The following RBBP8 variants were observed in gnomAD, a reference collection of about 807,000 sequenced individuals.
RBBP8 encodes DNA endonuclease RBBP8.
Under a neutral mutation model 108.3 loss-of-function variants are expected in RBBP8, and 88 were observed. That is an observed-to-expected ratio of 0.81 (90% CI 0.68 to 0.97). The LOEUF (loss-of-function observed/expected upper bound fraction) is 0.97, where lower values mean the gene tolerates loss of function less well. RBBP8 is among the 50% of genes least tolerant of loss of function. RBBP8 has a pLI of 0.00. For synonymous variants in RBBP8, 332 were observed against 348.2 expected, an observed-to-expected ratio of 0.95 and a Z score of 0.52; for missense variants, 1,023 against 1,049.0, an observed-to-expected ratio of 0.98 and a Z score of 0.34.
At chr18:22,980,423 T>G (rs958668583) in intron 6 of RBBP8, among the ~76,000 whole-genome samples, 24 of 152,050 alleles carry the variant, frequency 1.6e-4, no homozygotes, top group Admixed American at 1.5e-3. Context: ...ATTAGAGAGA[T>G]AATTAGGTAT....
At chr18:22,948,018 A>G (rs1911714757) in intron 3 of RBBP8, among the ~76,000 whole-genome samples, 2 of 152,112 alleles carry the variant, frequency 1.3e-5, no homozygotes, top group Admixed American at 6.5e-5. Flanking sequence ...TCTGTTCATC[A>G]TTTAAGAAAA....
At position 22,993,656 on chromosome 18, in the gene RBBP8, C is replaced by T; in HGVS notation, c.1812+17C>T. 1.9e-6 allele frequency: 3 copies of T among 1,614,096 alleles called. No individual in the cohort carries two copies. The highest frequency in any genetic ancestry group is 2.5e-6 in the Non-Finnish European group (3 of 1,180,016). On this transcript the variant is annotated intron_variant, in intron 11 of 18. Transcript: ENST00000327155. Reference sequence around the variant, plus strand: ...GACATAAAGGTTTGTGTTAAATGTTCAAGGATTTTGATTAAAATGATTGCT... The same window carrying T: ...GACATAAAGGTTTGTGTTAAATGTTTAAGGATTTTGATTAAAATGATTGCT...
chr18:23,026,207 A>G lies in RBBP8; in HGVS notation c.2661A>G (p.Ile887Met), dbSNP rs2046448689. The change falls in exon 19 of 19, where the codon ATA becomes ATG. Residue 887 changes from isoleucine (I) to methionine (M), a missense_variant. Transcript: ENST00000327155. ...RPKRRQPYNA[I>M]FSPKGKEQKT Reference sequence around the variant, plus strand: ...AAAGACGTCAGCCTTACAACGCAATATTTTCTCCAAAAGGCAAGGAGCAGA... The same window carrying G: ...AAAGACGTCAGCCTTACAACGCAATGTTTTCTCCAAAAGGCAAGGAGCAGA... 1 of 1,613,850 alleles carries G rather than the reference A, an allele frequency of 6.2e-7. No individual in the cohort carries two copies. Among genetic ancestry groups the G allele is most frequent in the Non-Finnish European group, 8.5e-7 (1 of 1,179,822 alleles).
At chr18:22,980,834 C>T (rs894563908) in intron 6 of RBBP8, among the ~76,000 whole-genome samples, 1 of 151,360 alleles carries the variant, frequency 6.6e-6, no homozygotes, top group Admixed American at 6.6e-5. Context: ...CCCACCTCAC[C>T]CTCCCAAGTA....
At chr18:22,982,165 A>G (rs1295674601) in intron 6 of RBBP8, 53 bp from the exon 7 acceptor site, 2 of 1,553,834 alleles carry the variant, frequency 1.3e-6, no homozygotes, top group Non-Finnish European at 1.8e-6. Flanking sequence ...CCATGTAGTA[A>G]ATGTTTTAAT....
upstream of RBBP8, among the ~76,000 whole-genome samples, chr18:22,930,706 T>C (rs1041925760): frequency 1.3e-5 from 2 of 152,166 alleles, no homozygotes; most frequent in Admixed American, 6.5e-5. Flanking sequence ...TCATAGAATA[T>C]TGATTTGGTG....
upstream of RBBP8, among the ~76,000 whole-genome samples, chr18:22,928,458 G>A (rs1909873989): frequency 6.6e-6 from 1 of 152,070 alleles, no homozygotes; most frequent in Non-Finnish European, 1.5e-5. Context: ...GAATAAGAAA[G>A]ATGAAGTGTA....
intron 18 of RBBP8, chr18:23,024,696 C>T (rs977565144): frequency 6.6e-6 from 1 of 152,054 alleles, no homozygotes; most frequent in Non-Finnish European, 1.5e-5. Context: ...GTACCTGATT[C>T]GTCTTAAGAA....
At chr18:23,023,085 A>G (rs548626036) in intron 18 of RBBP8, among the ~76,000 whole-genome samples, 6 of 150,888 alleles carry the variant, frequency 4.0e-5, no homozygotes, top group African/African-American at 1.5e-4. Context: ...CCCCCTAGAG[A>G]CAGGGTCTCA....
chr18:23,009,117 G>A (rs772572972), intron 16 of RBBP8, among the ~76,000 whole-genome samples: 64 of 152,012 alleles, frequency 4.2e-4, no homozygotes, highest in Non-Finnish European at 7.9e-4. Context: ...CATACTGATC[G>A]CTCTAACTCA....
intron 4 of RBBP8, among the ~76,000 whole-genome samples, chr18:22,951,418 A>G (rs1912024385): frequency 6.6e-6 from 1 of 152,242 alleles, no homozygotes; most frequent in Non-Finnish European, 1.5e-5. Flanking sequence ...AATGCTATGA[A>G]GAAAATAAAA....
At chr18:22,971,110 G>T (rs964399133) in intron 5 of RBBP8, among the ~76,000 whole-genome samples, 2 of 150,572 alleles carry the variant, frequency 1.3e-5, no homozygotes, top group Non-Finnish European at 2.9e-5. Flanking sequence ...GGAAGAAGCA[G>T]CAGCAAAAGG....
chr18:23,012,840 A>G (rs1221085466), intron 16 of RBBP8, among the ~76,000 whole-genome samples: 3 of 152,132 alleles, frequency 2.0e-5, no homozygotes, highest in Non-Finnish European at 4.4e-5. Context: ...GAGAGGAGAA[A>G]CCAGTGCCTG....
chr18:22,943,893 A>G (rs1911312418), intron 2 of RBBP8, among the ~76,000 whole-genome samples: 1 of 152,222 alleles, frequency 6.6e-6, no homozygotes, highest in Non-Finnish European at 1.5e-5. Flanking sequence ...TGTGTATTAC[A>G]ATATACAGGC....
intron 12 of RBBP8, among the ~76,000 whole-genome samples, chr18:22,994,243 T>A (rs2045809502): frequency 6.7e-6 from 1 of 148,602 alleles, no homozygotes; most frequent in African/African-American, 2.4e-5. Context: ...CAGGATGGTC[T>A]AGATCTCCTG....
At chr18:22,968,614 A>G (rs554259734) in intron 4 of RBBP8, among the ~76,000 whole-genome samples, 192 bp from the exon 5 acceptor site, 2 of 152,360 alleles carry the variant, frequency 1.3e-5, no homozygotes, top group East Asian at 1.9e-4. Flanking sequence ...TAGAATTGCA[A>G]TCTGAAGAAA....
chr18:22,943,682 C>T (rs986611478), intron 2 of RBBP8, among the ~76,000 whole-genome samples: 23 of 151,886 alleles, frequency 1.5e-4, no homozygotes, highest in Admixed American at 1.2e-3. Flanking sequence ...TATATAAAGC[C>T]CCCACTGTTT....
chr18:22,986,170 G>A (rs1598707961), intron 8 of RBBP8, among the ~76,000 whole-genome samples: 2 of 151,938 alleles, frequency 1.3e-5, no homozygotes, highest in African/African-American at 4.8e-5. Context: ...TGTTGAGGTT[G>A]CGAAAATGAG....
chr18:22,936,643 A>G (rs1910605051), intron 1 of RBBP8, 111 bp from the exon 2 acceptor site: 1 of 564,804 alleles, frequency 1.8e-6, no homozygotes, highest in African/African-American at 1.9e-5. Context: ...GATTGATTAT[A>G]GGTAAATAAG....
Sources: gnomAD v4.1 joint callset for allele counts (sites outside exome capture counted in the v4.1 genomes callset) on GRCh38, gnomAD v4.1.1 for gene constraint, MANE v1.5 for transcripts, NCBI Gene and HGNC (gene_info 2026-07-23, HGNC 2026-07-21) for gene names.